The following MYO1E variants were observed in gnomAD, a reference collection of about 807,000 sequenced individuals.
MYO1E encodes unconventional myosin-Ie.
A neutral mutation model predicts 151.1 loss-of-function variants in MYO1E; 68 were observed. That is an observed-to-expected ratio of 0.45 (90% confidence interval 0.37 to 0.55). The LOEUF (loss-of-function observed/expected upper bound fraction) is 0.55, where lower values mean the gene tolerates loss of function less well. MYO1E is among the 20% of genes least tolerant of loss of function. The pLI, the probability that MYO1E is intolerant of heterozygous loss-of-function variation, is 0.00. For missense variants in MYO1E, 1,363 were observed against 1,389.3 expected, an observed-to-expected ratio of 0.98 and a Z score of 0.30; for synonymous variants, 601 against 501.7, an observed-to-expected ratio of 1.20 and a Z score of -2.64.
intron 12 of MYO1E, among the ~76,000 whole-genome samples, chr15:59,211,308 A>T (rs543638326): frequency 2.6e-5 from 4 of 151,974 alleles, no homozygotes; most frequent in South Asian, 2.1e-4. Flanking sequence ...TGAACACCAC[A>T]ACACCATCCT....
At chr15:59,303,386 C>T (rs1380667196) in intron 1 of MYO1E, among the ~76,000 whole-genome samples, 1 of 151,924 alleles carries the variant, frequency 6.6e-6, no homozygotes, top group Non-Finnish European at 1.5e-5. Flanking sequence ...AGTCCTTCAG[C>T]CTGGGCAACA....
intron 3 of MYO1E, among the ~76,000 whole-genome samples, chr15:59,258,735 CCCAG>C (rs1362166041): frequency 2.0e-5 from 3 of 152,060 alleles, no homozygotes; most frequent in Non-Finnish European, 4.4e-5. Context: ...TGCCTGTAGT[CCCAG>C]CTATTTGCTT....
chr15:59,285,789 G>A (rs2080384446), intron 1 of MYO1E, among the ~76,000 whole-genome samples: 1 of 152,220 alleles, frequency 6.6e-6, no homozygotes, highest in South Asian at 2.1e-4. Flanking sequence ...AAATTAGTGT[G>A]TGCATGTCCA....
chr15:59,156,519 G>C (rs1273986152), intron 25 of MYO1E, among the ~76,000 whole-genome samples: 3 of 152,174 alleles, frequency 2.0e-5, no homozygotes, highest in African/African-American at 7.2e-5. Flanking sequence ...TGTAGAGATG[G>C]GGTTTTGCTG....
intron 1 of MYO1E, among the ~76,000 whole-genome samples, chr15:59,370,235 A>C (rs1394601363): frequency 6.6e-6 from 1 of 152,260 alleles, no homozygotes; most frequent in African/African-American, 2.4e-5. Context: ...GCCTGGGCAG[A>C]TGTGGAACAC....
chr15:59,282,663 T>C (rs967254444), intron 1 of MYO1E, among the ~76,000 whole-genome samples: 13 of 149,392 alleles, frequency 8.7e-5, no homozygotes, highest in African/African-American at 1.7e-4. Flanking sequence ...CTGGACAACA[T>C]AGCGAGACCC....
At chr15:59,153,554 C>G in intron 26 of MYO1E, 36 bp downstream of exon 26, 1 of 1,601,756 alleles carries the variant, frequency 6.2e-7, no homozygotes, top group Non-Finnish European at 8.5e-7. Context: ...GGAGATGGAG[C>G]TTGCCGGCTT....
At chr15:59,207,062 C>A (rs1423276553) in intron 14 of MYO1E, 1 of 1,614,200 alleles carries the variant, frequency 6.2e-7, no homozygotes, top group South Asian at 1.1e-5. Flanking sequence ...CTCAACGGCA[C>A]CTGGCTCTTC....
chr15:59,134,601 G>A lies in MYO1E; in HGVS notation c.*2779C>T, dbSNP rs547109022. On this transcript the variant is annotated 3_prime_UTR_variant, in exon 28 of 28. Coordinates refer to ENST00000288235, the MANE Select transcript of MYO1E (RefSeq NM_004998.4). ...TAAAGCTTGAACACCTCTACCCTAG[G>A]GTACACAGTCAGGCCTTCTCATTTA... The A allele has an allele frequency of 2.0e-5, 3 of 152,258 alleles. No individual in the cohort carries two copies. The highest frequency in any genetic ancestry group is 7.2e-5 in the African/African-American group (3 of 41,522). 9.4% of individuals were successfully genotyped at this position (152,258 alleles called of 1,614,324 possible). A position where few individuals can be genotyped will look rare whatever the true frequency, so the allele number is the denominator to read the frequency against.
chr15:59,256,817 A>T (rs1324525695), intron 3 of MYO1E, among the ~76,000 whole-genome samples: 1 of 152,172 alleles, frequency 6.6e-6, no homozygotes, highest in African/African-American at 2.4e-5. Context: ...CTAAACTCTT[A>T]CATAATTTTT....
chr15:59,142,034 G>C (rs2079413103), intron 26 of MYO1E, among the ~76,000 whole-genome samples: 1 of 151,832 alleles, frequency 6.6e-6, no homozygotes, highest in Admixed American at 6.6e-5. Context: ...GTGAACCAGG[G>C]AGGCGGAGCT....
At chr15:59,213,422 C>T (rs1330153171) in intron 12 of MYO1E, among the ~76,000 whole-genome samples, 1 of 151,932 alleles carries the variant, frequency 6.6e-6, no homozygotes, top group African/African-American at 2.4e-5. Flanking sequence ...CTGCCCGTCT[C>T]GGCCTCCCAA....
chr15:59,231,862 C>A (rs1385974058), intron 5 of MYO1E, 71 bp from the exon 6 acceptor site: 2 of 1,512,074 alleles, frequency 1.3e-6, no homozygotes, highest in Non-Finnish European at 1.8e-6. Context: ...CAAACTTTCT[C>A]TAAGGACCTG....
chr15:59,215,554 G>A (rs2079908297), intron 10 of MYO1E, among the ~76,000 whole-genome samples: 1 of 152,148 alleles, frequency 6.6e-6, no homozygotes, highest in South Asian at 2.1e-4. Flanking sequence ...GCGGTTGGTG[G>A]GGGATGCAGT....
chr15:59,323,312 G>T (rs994048433), intron 1 of MYO1E, among the ~76,000 whole-genome samples: 1 of 151,742 alleles, frequency 6.6e-6, no homozygotes, highest in African/African-American at 2.4e-5. Context: ...TTCTGAACAT[G>T]AAACATAAAC....
intron 25 of MYO1E, among the ~76,000 whole-genome samples, chr15:59,157,267 A>G (rs2079514589): frequency 6.6e-6 from 1 of 152,180 alleles, no homozygotes; most frequent in Non-Finnish European, 1.5e-5. Context: ...ATTTTATAAC[A>G]ATTTTGTAAT....
chr15:59,302,924 G>A (rs2080491673), intron 1 of MYO1E, among the ~76,000 whole-genome samples: 1 of 152,272 alleles, frequency 6.6e-6, no homozygotes. Flanking sequence ...TTTGACCAGG[G>A]CACCTATGAA....
At chr15:59,224,606 T>G in intron 8 of MYO1E, 83 bp downstream of exon 8, 1 of 1,565,530 alleles carries the variant, frequency 6.4e-7, no homozygotes, top group Non-Finnish European at 8.8e-7. Flanking sequence ...GCTCTTTGCT[T>G]TATTAACCTT....
At chr15:59,146,845 T>C (rs2079444520) in intron 26 of MYO1E, among the ~76,000 whole-genome samples, 2 of 152,074 alleles carry the variant, frequency 1.3e-5, no homozygotes, top group South Asian at 4.1e-4. Flanking sequence ...AGTTTTCTTA[T>C]TTTAGGGTAA....
Sources: gnomAD v4.1 joint callset for allele counts (sites outside exome capture counted in the v4.1 genomes callset) on GRCh38, gnomAD v4.1.1 for gene constraint, MANE v1.5 for transcripts, NCBI Gene and HGNC (gene_info 2026-07-23, HGNC 2026-07-21) for gene names.